The following USP3 variants were observed in gnomAD, a reference collection of about 807,000 sequenced individuals.
The protein encoded by USP3 is ubiquitin specific peptidase 3.
Under a neutral mutation model 72.3 loss-of-function variants are expected in USP3, and 20 were observed. The ratio of observed to expected loss-of-function variants is 0.28; its 90% CI spans 0.19 to 0.40. The LOEUF (loss-of-function observed/expected upper bound fraction) is 0.40, where lower values mean the gene tolerates loss of function less well. USP3 is among the 10% of genes least tolerant of loss of function. The pLI is 1.00. For missense variants in USP3, 479 were observed against 633.9 expected (o/e 0.76, Z 2.62); for synonymous variants, 222 against 225.3 (o/e 0.99, Z 0.13).
At chr15:63,552,723 C>A (rs936791080) in intron 3 of USP3, among the ~76,000 whole-genome samples, 2 of 151,952 alleles carry the variant, frequency 1.3e-5, no homozygotes, top group Non-Finnish European at 2.9e-5. Flanking sequence ...TTTCCCCACC[C>A]CTTTCTCTCT....
At chr15:63,589,051 G>T (rs755423653) in intron 14 of USP3, 40 bp downstream of exon 14, 21 of 1,608,868 alleles carry the variant, frequency 1.3e-5, no homozygotes, top group Non-Finnish European at 1.8e-5. Context: ...GGGAATACCT[G>T]GTGGCCAGCC....
At chr15:63,565,209 T>C (rs945565499) in intron 8 of USP3, among the ~76,000 whole-genome samples, 1 of 152,118 alleles carries the variant, frequency 6.6e-6, no homozygotes, top group African/African-American at 2.4e-5. Flanking sequence ...TACACAAATA[T>C]ATATACATAC....
At chr15:63,533,825 T>A in intron 2 of USP3, 1 of 1,242,892 alleles carries the variant, frequency 8.0e-7, no homozygotes. Context: ...CTGAAAATAC[T>A]TTGTACAGAT....
intron 6 of USP3, 43 bp from the exon 7 acceptor site, chr15:63,559,814 A>C (rs779757302): frequency 3.3e-6 from 5 of 1,533,572 alleles, no homozygotes; most frequent in Non-Finnish European, 4.4e-6. Context: ...TTACAGTCCT[A>C]TTCTTTTCTT....
At chr15:63,590,179 T>A (rs1036926619) in intron 14 of USP3, among the ~76,000 whole-genome samples, 2 of 152,288 alleles carry the variant, frequency 1.3e-5, no homozygotes, top group Admixed American at 6.5e-5. Context: ...ATTATTTAAA[T>A]AGGGTTTTCC....
intron 11 of USP3, among the ~76,000 whole-genome samples, chr15:63,576,884 G>A (rs1338756649): frequency 6.6e-6 from 1 of 152,148 alleles, no homozygotes; most frequent in Non-Finnish European, 1.5e-5. Context: ...CATCCAGAAT[G>A]TCATGGACTT....
intron 2 of USP3, among the ~76,000 whole-genome samples, chr15:63,534,930 T>G (rs1445505324): frequency 2.6e-5 from 4 of 151,792 alleles, no homozygotes; most frequent in Non-Finnish European, 5.9e-5. Flanking sequence ...ATTTATTTAT[T>G]TATTTATTTA....
intron 3 of USP3, among the ~76,000 whole-genome samples, chr15:63,547,441 G>C (rs149175030): frequency 1.3e-5 from 2 of 152,068 alleles, no homozygotes; most frequent in African/African-American, 4.8e-5. Flanking sequence ...AAATAAAATT[G>C]AGTTATGGCC....
chr15:63,562,885 T>C lies in USP3; in HGVS notation c.648-10T>C. ...CTAATCTGAGGGCACTGTCCTTTCCTCTTTTGCAGGTCTTTGGTAGAAGAG... is the reference window on the plus strand; with the variant it reads ...CTAATCTGAGGGCACTGTCCTTTCCCCTTTTGCAGGTCTTTGGTAGAAGAG... On this transcript the variant is annotated splice_polypyrimidine_tract_variant and intron_variant, in intron 7 of 14. Coordinates refer to ENST00000380324, the MANE Select transcript of USP3 (RefSeq NM_006537.4). 1.3e-6 allele frequency: 2 copies of C among 1,593,508 alleles called. No homozygotes were observed. Among genetic ancestry groups the C allele is most frequent in the Non-Finnish European group, 1.7e-6 (2 of 1,168,770 alleles).
At chr15:63,555,956 A>AG (rs2066500911) in intron 4 of USP3, among the ~76,000 whole-genome samples, 2 of 152,226 alleles carry the variant, frequency 1.3e-5, no homozygotes, top group African/African-American at 4.8e-5. Flanking sequence ...GTTTAACCAT[A>AG]ATTTTTACTT....
chr15:63,556,596 T>G, intron 4 of USP3, 71 bp from the exon 5 acceptor site: 4 of 1,266,972 alleles, frequency 3.2e-6, no homozygotes, highest in Admixed American at 2.6e-5. Context: ...GCAGCTGGAG[T>G]TTATTCTTTC....
At chr15:63,561,230 T>A (rs2152673487) in intron 7 of USP3, among the ~76,000 whole-genome samples, 1 of 152,212 alleles carries the variant, frequency 6.6e-6, no homozygotes, top group South Asian at 2.1e-4. Context: ...TACATGTGTA[T>A]GAGTTAAGAG....
intron 3 of USP3, among the ~76,000 whole-genome samples, chr15:63,537,738 T>C (rs1201309157): frequency 1.3e-5 from 2 of 152,126 alleles, no homozygotes; most frequent in Non-Finnish European, 2.9e-5. Flanking sequence ...CAGGCTGGAG[T>C]GCAATGGCGC....
At chr15:63,580,356 A>AT (rs1340722153) in intron 11 of USP3, among the ~76,000 whole-genome samples, 1 of 151,894 alleles carries the variant, frequency 6.6e-6, no homozygotes, top group African/African-American at 2.4e-5. Flanking sequence ...ACTATGAATT[A>AT]TTTTTTTCAT....
At chr15:63,534,006 G>A (rs1449202840) in intron 2 of USP3, 1 of 409,370 alleles carries the variant, frequency 2.4e-6, no homozygotes, top group Non-Finnish European at 3.3e-6. Flanking sequence ...ATGGTCATGT[G>A]CCAATCAAAA....
rs2066465705 is a variant in USP3, at chr15:63,553,555, A to G, written c.285-160A>G. ...GGCTTTTAAAAAAGACTCTTGAAAAACATTCCATTGTGAATTCCAGGTCCT... is the reference window on the plus strand; with the variant it reads ...GGCTTTTAAAAAAGACTCTTGAAAAGCATTCCATTGTGAATTCCAGGTCCT... On this transcript the variant is annotated intron_variant, in intron 3 of 14. Coordinates refer to ENST00000380324, the MANE Select transcript of USP3 (RefSeq NM_006537.4). This position sits in a 1 kb window ranked among gnomAD's most constrained non-coding sequence, Gnocchi z 4.2. 2.0e-6 allele frequency: 1 copy of G among 510,562 alleles called. No homozygotes were observed. The highest frequency in any genetic ancestry group is 3.2e-6 in the Non-Finnish European group (1 of 308,790). 31.6% of individuals were successfully genotyped at this position (510,562 alleles called of 1,614,324 possible). A position where few individuals can be genotyped will look rare whatever the true frequency, so the allele number is the denominator to read the frequency against.
Position 63,593,934 on chromosome 15 carries a change from T to G in USP3, c.*3108T>G, listed in dbSNP as rs552024929. The G allele has an allele frequency of 2.6e-5, 4 of 152,378 alleles. No homozygotes were observed. In the East Asian group the frequency reaches 7.7e-4, roughly 29 times the overall value. The allele number at this position is 152,378 out of a possible 1,614,324, so 9.4% of individuals were successfully genotyped here. A position where few individuals can be genotyped will look rare whatever the true frequency, so the allele number is the denominator to read the frequency against. ...CACACGGGTGGGTGACAGAAACAGTTTGTGGCAACACAAATCTCTCTCCAT... is the reference window on the plus strand; with the variant it reads ...CACACGGGTGGGTGACAGAAACAGTGTGTGGCAACACAAATCTCTCTCCAT... On this transcript the variant is annotated 3_prime_UTR_variant, in exon 15 of 15. Transcript: ENST00000380324.
At chr15:63,538,062 A>G (rs1378215841) in intron 3 of USP3, among the ~76,000 whole-genome samples, 2 of 151,652 alleles carry the variant, frequency 1.3e-5, no homozygotes, top group African/African-American at 2.4e-5. Flanking sequence ...TATAATATTC[A>G]TGTCTATTTC....
In USP3 at chr15:63,590,682, A is replaced by T. The variant is rs777173811; in HGVS notation, c.1419A>T (p.Thr473=). 142 of 1,611,266 alleles carry T rather than the reference A, an allele frequency of 8.8e-5. No individual in the cohort carries two copies. The highest frequency in any genetic ancestry group is 1.2e-4 in the Non-Finnish European group (139 of 1,178,904). ...ACAGGGTTGGTTCTGGACATTACAC[A>T]GCATACGCAACTCACGAAGGCCGCT... is the stretch of plus-strand genomic sequence containing the variant. The part of the protein sequence containing the change: ...HGSGVGSGHY[T]AYATHEGRWF... Residue 473 remains threonine (T), a synonymous_variant, in exon 15 of 15, where the codon ACA becomes ACT. Transcript: ENST00000380324.
Sources: allele counts gnomAD v4.1 joint callset (sites outside exome capture counted in the v4.1 genomes callset), GRCh38; gene constraint gnomAD v4.1.1; non-coding constraint Gnocchi (gnomAD v3.1); transcripts MANE v1.5; gene names NCBI Gene and HGNC (gene_info 2026-07-23, HGNC 2026-07-21).